Variants in CCDC169 observed in about 807,000 individuals in gnomAD.
CCDC169 encodes coiled-coil domain-containing protein 169.
In CCDC169, 30 loss-of-function variants were observed where a neutral mutation model predicts 36.0. That is an observed-to-expected ratio of 0.83 (90% CI 0.62 to 1.13). The LOEUF is 1.13. Ranked by LOEUF, CCDC169 falls within the 50% of genes most tolerant of loss-of-function variation. The pLI, the probability that CCDC169 is intolerant of heterozygous loss-of-function variation, is 0.00. For synonymous variants in CCDC169, 85 were observed against 81.5 expected (o/e 1.04, Z -0.23); for missense variants, 245 against 245.9 (o/e 1.00, Z 0.03).
At chr13:36,232,384 T>C (rs1420192312) in intron 7 of CCDC169, among the ~76,000 whole-genome samples, 1 of 152,202 alleles carries the variant, frequency 6.6e-6, no homozygotes, top group Non-Finnish European at 1.5e-5. Context: ...GTAAATAGCC[T>C]TTTCCCTAGG....
intron 4 of CCDC169, among the ~76,000 whole-genome samples, chr13:36,277,439 T>C (rs1226882977): frequency 3.3e-5 from 5 of 152,148 alleles, no homozygotes; most frequent in Non-Finnish European, 1.5e-5. Flanking sequence ...GTAACAAACC[T>C]GCACATCCTG....
chr13:36,283,453 TCA>T lies in CCDC169; in HGVS notation c.315+14_315+15del. On this transcript the variant is annotated intron_variant, in intron 4 of 7. Transcript: ENST00000239859. ...TCCTTCAATTATTCTTTGTGTTTAA[TCA>T]CATTTCTACTCACCACTGGCATTCG... 9 of 1,543,106 alleles carry T rather than the reference TCA, an allele frequency of 5.8e-6. No homozygotes were observed. Among genetic ancestry groups the T allele is most frequent in the Non-Finnish European group, 7.9e-6 (9 of 1,141,860 alleles).
chr13:36,240,585 A>T (rs1453679930), intron 7 of CCDC169: 1 of 1,261,226 alleles, frequency 7.9e-7, no homozygotes, highest in Non-Finnish European at 1.0e-6. Flanking sequence ...CCTAGTATCA[A>T]TTTCCCTCAG....
chr13:36,289,476 A>G (rs2138638007), intron 2 of CCDC169, among the ~76,000 whole-genome samples: 1 of 152,346 alleles, frequency 6.6e-6, no homozygotes, highest in Non-Finnish European at 1.5e-5. Flanking sequence ...ACTAAGAACT[A>G]TGTATTCCTC....
intron 4 of CCDC169, chr13:36,282,462 T>A (rs1006055612): frequency 1.0e-6 from 1 of 985,264 alleles, no homozygotes; most frequent in African/African-American, 1.7e-5. Context: ...ATTAGATTTC[T>A]AATCTCTGCT....
chr13:36,284,733 C>T (rs1308317365), intron 2 of CCDC169, among the ~76,000 whole-genome samples: 1 of 152,154 alleles, frequency 6.6e-6, no homozygotes, highest in Non-Finnish European at 1.5e-5. Flanking sequence ...AAAAAGATGG[C>T]TTCTTTTTCA....
intron 4 of CCDC169, among the ~76,000 whole-genome samples, chr13:36,282,096 T>C (rs192910119): frequency 6.7e-6 from 1 of 149,486 alleles, no homozygotes. Context: ...TCAAAATTAG[T>C]ATTCAAACTA....
At chr13:36,250,032 A>G (rs1379678300) in intron 6 of CCDC169, among the ~76,000 whole-genome samples, 1 of 152,178 alleles carries the variant, frequency 6.6e-6, no homozygotes, top group African/African-American at 2.4e-5. Context: ...ACAAAGACAA[A>G]CGGGTTATGG....
At chr13:36,263,624 A>G (rs1874877647) in intron 4 of CCDC169, among the ~76,000 whole-genome samples, 1 of 152,222 alleles carries the variant, frequency 6.6e-6, no homozygotes. Context: ...TCCCTCAGAA[A>G]TGACACATCC....
At chr13:36,270,921 T>G (rs1197155237) in intron 4 of CCDC169, among the ~76,000 whole-genome samples, 1 of 152,038 alleles carries the variant, frequency 6.6e-6, no homozygotes, top group Non-Finnish European at 1.5e-5. Flanking sequence ...AATAAATACA[T>G]AAGACCTAAT....
At chr13:36,258,560 T>A (rs181270559) in intron 4 of CCDC169, among the ~76,000 whole-genome samples, 1 of 152,202 alleles carries the variant, frequency 6.6e-6, no homozygotes, top group Non-Finnish European at 1.5e-5. Flanking sequence ...ATTAGCATAC[T>A]AAAAGACACT....
chr13:36,240,483 G>T, intron 7 of CCDC169: 3 of 378,200 alleles, frequency 7.9e-6, no homozygotes, highest in Non-Finnish European at 1.3e-5. Context: ...TTTAATGTTG[G>T]ATATTTTGGT....
At chr13:36,284,913 A>T (rs76652117) in intron 2 of CCDC169, among the ~76,000 whole-genome samples, 133 of 152,074 alleles carry the variant, frequency 8.7e-4, no homozygotes, top group Middle Eastern at 3.4e-3. Context: ...AGGGGATGGA[A>T]CCCCCTCCCA....
At chr13:36,291,224 TTA>T (rs1487979081) in intron 2 of CCDC169, among the ~76,000 whole-genome samples, 2 of 152,208 alleles carry the variant, frequency 1.3e-5, no homozygotes, top group Non-Finnish European at 2.9e-5. Flanking sequence ...ATACACACTG[TTA>T]TGTTTCACTT....
chr13:36,239,361 A>G (rs1231838580), intron 7 of CCDC169, among the ~76,000 whole-genome samples: 2 of 152,206 alleles, frequency 1.3e-5, no homozygotes, highest in Admixed American at 6.5e-5. Context: ...AGGGATCACA[A>G]TATGGTGTCA....
chr13:36,260,884 T>C (rs916885791), intron 4 of CCDC169, among the ~76,000 whole-genome samples: 2 of 152,200 alleles, frequency 1.3e-5, no homozygotes, highest in Non-Finnish European at 2.9e-5. Flanking sequence ...AGAGAGGACC[T>C]AGAAGTACAC....
At chr13:36,294,954 T>C (rs1280062411) in intron 2 of CCDC169, among the ~76,000 whole-genome samples, 1 of 152,188 alleles carries the variant, frequency 6.6e-6, no homozygotes, top group East Asian at 1.9e-4. Context: ...GTGGATTTCA[T>C]TTCTGCCTTT....
chr13:36,230,006 T>C (rs1566055714), downstream of CCDC169, among the ~76,000 whole-genome samples: 1 of 152,216 alleles, frequency 6.6e-6, no homozygotes. Context: ...TGTAGAATGA[T>C]TTATAGAAAG....
At chr13:36,269,148 A>G (rs916514867) in intron 4 of CCDC169, among the ~76,000 whole-genome samples, 126 of 152,208 alleles carry the variant, frequency 8.3e-4, no homozygotes, top group Non-Finnish European at 9.6e-4. Flanking sequence ...GAATACCTTT[A>G]TGTGCAGAAA....
Sources: allele counts gnomAD v4.1 joint callset (sites outside exome capture counted in the v4.1 genomes callset), GRCh38; gene constraint gnomAD v4.1.1; transcripts MANE v1.5; gene names NCBI Gene and HGNC (gene_info 2026-07-23, HGNC 2026-07-21).